L3MBTL3: variants seen among roughly 807,000 people sequenced by gnomAD.
L3MBTL3 encodes the protein L3MBTL histone methyl-lysine binding protein 3.
Under a neutral mutation model 102.3 loss-of-function variants are expected in L3MBTL3, and 27 were observed. That is an observed-to-expected ratio of 0.26 (90% confidence interval 0.19 to 0.36). The LOEUF (loss-of-function observed/expected upper bound fraction) is 0.36. Ranked by LOEUF, L3MBTL3 falls within the 10% of genes least tolerant of loss-of-function variation. The pLI, the probability that L3MBTL3 is intolerant of heterozygous loss-of-function variation, is 1.00. For synonymous variants in L3MBTL3, 340 were observed against 320.9 expected, an observed-to-expected ratio of 1.06 and a Z score of -0.64; for missense variants, 798 against 955.3, an observed-to-expected ratio of 0.84 and a Z score of 2.17.
At position 130,068,399 on chromosome 6, in the gene L3MBTL3, CATT is replaced by C; in HGVS notation, c.1074_1076del (p.Leu358del). The C allele has an allele frequency of 1.9e-6, 3 of 1,599,844 alleles. No individual in the cohort carries two copies. Among genetic ancestry groups the C allele is most frequent in the Non-Finnish European group, 2.6e-6 (3 of 1,167,506 alleles). ...TGTAAAGCTCAAGCTGCTCCTAAGT[CATT>C]ATTTGAAAATCAGAATATAGTAAGT... On this transcript the variant is annotated inframe_deletion, in exon 12 of 23. Coordinates refer to ENST00000361794, the MANE Select transcript of L3MBTL3 (RefSeq NM_032438.4).
At chr6:130,128,895 C>T (rs371002452) in intron 20 of L3MBTL3, among the ~76,000 whole-genome samples, 5 of 152,102 alleles carry the variant, frequency 3.3e-5, no homozygotes, top group South Asian at 4.1e-4. Context: ...GCCATCCATC[C>T]GATCTATCCA....
intron 12 of L3MBTL3, among the ~76,000 whole-genome samples, chr6:130,068,730 T>C (rs190467449): frequency 2.0e-5 from 3 of 152,308 alleles, no homozygotes; most frequent in Admixed American, 6.5e-5. Flanking sequence ...TTATCACTTA[T>C]ATGGGAGTGC....
In L3MBTL3 at chr6:130,052,733, CTGG is replaced by C. The variant is rs1781183924; in HGVS notation, c.450-124_450-122del. On this transcript the variant is annotated intron_variant, in intron 6 of 22. Coordinates refer to ENST00000361794, the MANE Select transcript of L3MBTL3 (RefSeq NM_032438.4). ...ATATTCTCATGCCTACAGATTTCTC[CTGG>C]TAGTTAAAGATTTTTCCTTTGCAGG... 5.2e-6 allele frequency: 6 copies of C among 1,147,634 alleles called. No homozygotes were observed. In the East Asian group the frequency reaches 1.3e-4, roughly 26 times the overall value. 71.1% of individuals were successfully genotyped at this position (1,147,634 alleles called of 1,614,324 possible). A position where few individuals can be genotyped will look rare whatever the true frequency, so the allele number is the denominator to read the frequency against.
chr6:130,042,555 A>G (rs1358782123), intron 2 of L3MBTL3, 130 bp from the exon 3 acceptor site: 1 of 509,272 alleles, frequency 2.0e-6, no homozygotes, highest in Non-Finnish European at 3.5e-6. Flanking sequence ...AGCTGTTTTT[A>G]GATCCAGGGA....
chr6:130,057,689 G>C (rs564536389), intron 9 of L3MBTL3, among the ~76,000 whole-genome samples, 192 bp downstream of exon 9: 2 of 152,168 alleles, frequency 1.3e-5, no homozygotes, highest in African/African-American at 4.8e-5. Context: ...CATGTGCCAT[G>C]TGTGGGTGCA....
intron 19 of L3MBTL3, among the ~76,000 whole-genome samples, chr6:130,107,632 A>G (rs1374026510): frequency 6.6e-6 from 1 of 152,236 alleles, no homozygotes; most frequent in Non-Finnish European, 1.5e-5. Flanking sequence ...TACATTATAC[A>G]AGCATGGTTC....
At chr6:130,097,662 G>A (rs1784439932) in intron 18 of L3MBTL3, among the ~76,000 whole-genome samples, 1 of 152,188 alleles carries the variant, frequency 6.6e-6, no homozygotes, top group South Asian at 2.1e-4. Context: ...TCTCTAGCAA[G>A]GGAACATTAA....
chr6:130,103,630 C>T (rs937929791), intron 18 of L3MBTL3, among the ~76,000 whole-genome samples: 1 of 152,128 alleles, frequency 6.6e-6, no homozygotes, highest in African/African-American at 2.4e-5. Flanking sequence ...TTGGGGAGGC[C>T]CATGTATATT....
chr6:130,030,341 A>G (rs1032762899), intron 2 of L3MBTL3, among the ~76,000 whole-genome samples: 7 of 152,138 alleles, frequency 4.6e-5, no homozygotes, highest in Middle Eastern at 3.2e-3. Context: ...CCTGGCTAAG[A>G]TTATACAGCT....
At chr6:130,020,328 G>A (rs1778901377) in intron 1 of L3MBTL3, among the ~76,000 whole-genome samples, 1 of 151,786 alleles carries the variant, frequency 6.6e-6, no homozygotes, top group Non-Finnish European at 1.5e-5. Flanking sequence ...TGGAGTGTGG[G>A]GGCCGCCGGG....
intron 2 of L3MBTL3, among the ~76,000 whole-genome samples, chr6:130,036,148 T>C (rs1003927919): frequency 5.9e-5 from 9 of 152,190 alleles, no homozygotes; most frequent in Admixed American, 4.6e-4. Context: ...GAAAGGACTT[T>C]GTATGTTTGT....
chr6:130,053,996 C>T (rs773000716), intron 7 of L3MBTL3, among the ~76,000 whole-genome samples: 76 of 152,134 alleles, frequency 5.0e-4, no homozygotes, highest in African/African-American at 1.5e-3. Context: ...ATAAGTGCTA[C>T]GTTGAGAATT....
chr6:130,023,489 T>A (rs926612489), intron 2 of L3MBTL3, among the ~76,000 whole-genome samples: 1 of 152,148 alleles, frequency 6.6e-6, no homozygotes. Flanking sequence ...CACTGCTTAT[T>A]TTTCTTTGTC....
rs1479614662 is a variant in L3MBTL3, at chr6:130,086,157, C to T, written c.1425C>T (p.Phe475=). 1 of 1,612,134 alleles carries T rather than the reference C, an allele frequency of 6.2e-7. No homozygotes were observed. The highest frequency in any genetic ancestry group is 8.5e-7 in the Non-Finnish European group (1 of 1,179,172). ...RAFKVKPPHG[F]QKKMKLEVVD... is the part of the protein sequence containing the mutation. The stretch of plus-strand genomic sequence containing the variant: ...TGTGGCAGAAACCTCCTCATGGATT[C>T]CAGAAAAAAATGAAGCTTGAGGTTG... The change falls in exon 16 of 23, where the codon TTC becomes TTT. Residue 475 remains phenylalanine, a synonymous_variant. Coordinates refer to ENST00000361794, the MANE Select transcript of L3MBTL3 (RefSeq NM_032438.4).
At chr6:130,099,009 A>C (rs1207983116) in intron 18 of L3MBTL3, among the ~76,000 whole-genome samples, 2 of 151,782 alleles carry the variant, frequency 1.3e-5, no homozygotes, top group Non-Finnish European at 2.9e-5. Flanking sequence ...ATAAAAATAT[A>C]CAATAAAAAT....
intron 20 of L3MBTL3, among the ~76,000 whole-genome samples, chr6:130,128,601 G>A (rs1455392463): frequency 4.6e-5 from 7 of 152,056 alleles, no homozygotes; most frequent in Non-Finnish European, 1.0e-4. Flanking sequence ...AGGAAGCTGG[G>A]GAATATAGTC....
At chr6:130,045,169 A>T (rs1348754290) in intron 3 of L3MBTL3, among the ~76,000 whole-genome samples, 2 of 152,106 alleles carry the variant, frequency 1.3e-5, no homozygotes, top group Admixed American at 1.3e-4. Flanking sequence ...GGTGAAGTTC[A>T]AGCCCCTTAA....
intron 19 of L3MBTL3, among the ~76,000 whole-genome samples, chr6:130,108,919 A>G (rs1785171977): frequency 6.6e-6 from 1 of 150,768 alleles, no homozygotes; most frequent in South Asian, 2.1e-4. Flanking sequence ...GTGTGTTTTC[A>G]TTGTTCAGCT....
At chr6:130,094,868 TA>T (rs916107619) in intron 18 of L3MBTL3, among the ~76,000 whole-genome samples, 2 of 151,356 alleles carry the variant, frequency 1.3e-5, no homozygotes, top group African/African-American at 2.4e-5. Context: ...TAAGTAACTT[TA>T]AAAAAAAACC....
Sources: gnomAD v4.1 joint callset for allele counts (sites outside exome capture counted in the v4.1 genomes callset) on GRCh38, gnomAD v4.1.1 for gene constraint, MANE v1.5 for transcripts, NCBI Gene and HGNC (gene_info 2026-07-23, HGNC 2026-07-21) for gene names.